FOXN2: variants seen among roughly 807,000 people sequenced by gnomAD.
The protein encoded by FOXN2 is forkhead box N2.
FOXN2 carries 19 observed loss-of-function variants against 41.2 expected under a neutral mutation model. That is an observed-to-expected ratio of 0.46 (90% CI 0.32 to 0.68). The LOEUF (loss-of-function observed/expected upper bound fraction) is 0.68, where lower values mean the gene tolerates loss of function less well. FOXN2 is among the 30% of genes least tolerant of loss of function. The pLI is 0.03. For missense variants in FOXN2, 587 were observed against 509.4 expected (o/e 1.15, Z -1.47); for synonymous variants, 195 against 176.8 (o/e 1.10, Z -0.82).
chr2:48,346,129 C>A (rs1217780882), intron 2 of FOXN2, 72 bp from the exon 3 acceptor site: 23 of 1,317,892 alleles, frequency 1.7e-5, no homozygotes, highest in Non-Finnish European at 2.3e-5. Context: ...GGGATATTTA[C>A]ATATGTATTT....
At chr2:48,365,881 T>A (rs1385442620) in intron 5 of FOXN2, among the ~76,000 whole-genome samples, 1 of 152,234 alleles carries the variant, frequency 6.6e-6, no homozygotes, top group Non-Finnish European at 1.5e-5. Flanking sequence ...TGTTTTGGGG[T>A]ATATTTCTGA....
intron 4 of FOXN2, among the ~76,000 whole-genome samples, chr2:48,361,259 G>C (rs1301783151): frequency 6.6e-6 from 1 of 151,976 alleles, no homozygotes; most frequent in Non-Finnish European, 1.5e-5. Context: ...CTGAGGTCGG[G>C]AGTTTGAGAC....
intron 5 of FOXN2, among the ~76,000 whole-genome samples, chr2:48,370,015 A>G (rs75164747): frequency 7.0e-6 from 1 of 142,912 alleles, no homozygotes; most frequent in Admixed American, 6.9e-5. Flanking sequence ...AAAAGAAAAG[A>G]AAAAAAAAAA....
rs565908019 is a variant in FOXN2 at position 48,317,395 on chromosome 2, G to T, written c.-157+2581G>T. Among the ~76,000 whole-genome samples, 493 of 151,152 alleles carry T rather than the reference G, an allele frequency of 3.3e-3. 6 individuals carry two copies. Among genetic ancestry groups the T allele is most frequent in the African/African-American group, 0.011 (465 of 41,156 alleles). ...ACCTAGGAGGTGAAGGTTGTAGTGAGTTGAGATCATGCCACTGCACTCCAG... is the reference window on the plus strand; with the variant it reads ...ACCTAGGAGGTGAAGGTTGTAGTGATTTGAGATCATGCCACTGCACTCCAG... On this transcript the variant is annotated intron_variant, in intron 1 of 6. Transcript: ENST00000340553.
chr2:48,359,007 G>A lies in FOXN2; in HGVS notation c.538-40G>A, dbSNP rs760940523. ...AAACATTTAGACGCTGACTGTTTAT[G>A]TATAAAAGTTCCTAGTTATTCTTGT... is the stretch of plus-strand genomic sequence containing the variant. On this transcript the variant is annotated intron_variant, in intron 3 of 6. Transcript: ENST00000340553. The A allele has an allele frequency of 8.4e-6, 12 of 1,437,062 alleles. No homozygotes were observed. The African/African-American group carries it at 1.4e-4, about 17-fold the overall frequency. 89.0% of individuals were successfully genotyped at this position (1,437,062 alleles called of 1,614,324 possible).
intron 4 of FOXN2, among the ~76,000 whole-genome samples, chr2:48,361,352 G>C (rs944115912): frequency 3.3e-5 from 5 of 151,804 alleles, no homozygotes; most frequent in African/African-American, 1.2e-4. Flanking sequence ...TGTAACCCCA[G>C]CTACTCGGGA....
At chr2:48,374,702 A>G (rs529015387) in intron 6 of FOXN2, among the ~76,000 whole-genome samples, 1 of 152,210 alleles carries the variant, frequency 6.6e-6, no homozygotes, top group Non-Finnish European at 1.5e-5. Context: ...AAATAGTTAC[A>G]TATGCTATAG....
Position 48,325,844 on chromosome 2 carries a change from CTTTTTTT to C in FOXN2, c.-156-2701_-156-2695del, listed in dbSNP as rs959535701. On this transcript the variant is annotated intron_variant, in intron 1 of 6. Transcript: ENST00000340553. ...TTAGAGAATTCTTCCCTCAAGATTTCTTTTTTTTTTTTTTTTTTTTTTGAGACGAAGT... is the reference window on the plus strand; with the variant it reads ...TTAGAGAATTCTTCCCTCAAGATTTCTTTTTTTTTTTTTTTGAGACGAAGT... Among the ~76,000 whole-genome samples, 296 of 102,912 alleles carry C rather than the reference CTTTTTTT, an allele frequency of 2.9e-3. 1 individual carries two copies. The highest frequency in any genetic ancestry group is 9.0e-3 in the African/African-American group (248 of 27,446). 67.5% of individuals were successfully genotyped at this position (102,912 alleles called of 152,430 possible). A position where few individuals can be genotyped will look rare whatever the true frequency, so the allele number is the denominator to read the frequency against.
intron 1 of FOXN2, among the ~76,000 whole-genome samples, chr2:48,322,516 C>A (rs190994105): frequency 6.6e-6 from 1 of 152,106 alleles, no homozygotes; most frequent in African/African-American, 2.4e-5. Context: ...CACGCTCACG[C>A]GGATTCTTGC....
At chr2:48,320,835 G>A (rs1399632723) in intron 1 of FOXN2, among the ~76,000 whole-genome samples, 1 of 152,190 alleles carries the variant, frequency 6.6e-6, no homozygotes. Flanking sequence ...AATATTTATA[G>A]AATGCTTACT....
intron 3 of FOXN2, among the ~76,000 whole-genome samples, chr2:48,349,509 C>T (rs912522925): frequency 2.7e-4 from 41 of 152,058 alleles, no homozygotes; most frequent in African/African-American, 8.7e-4. Flanking sequence ...CGTGGTGGCT[C>T]ATACCTGTAA....
intron 1 of FOXN2, among the ~76,000 whole-genome samples, chr2:48,316,214 C>G (rs1415661477): frequency 6.6e-6 from 1 of 152,072 alleles, no homozygotes; most frequent in Admixed American, 6.5e-5. Context: ...TTGCAGTTCT[C>G]CTAAGGTGTA....
chr2:48,316,053 G>A (rs1668896091), intron 1 of FOXN2, among the ~76,000 whole-genome samples: 1 of 152,014 alleles, frequency 6.6e-6, no homozygotes, highest in Admixed American at 6.5e-5. Context: ...AATAGAGTGC[G>A]CTAGCGGCAC....
chr2:48,369,602 A>G (rs1672755435), intron 5 of FOXN2, among the ~76,000 whole-genome samples: 1 of 152,232 alleles, frequency 6.6e-6, no homozygotes. Context: ...TAGGTGCTTC[A>G]TTTATAAGAT....
chr2:48,357,421 A>C (rs1671869162), intron 3 of FOXN2, among the ~76,000 whole-genome samples: 1 of 152,160 alleles, frequency 6.6e-6, no homozygotes, highest in Non-Finnish European at 1.5e-5. Context: ...GTGTATGAAA[A>C]GTAATGCTGC....
chr2:48,371,903 C>G (rs547715195), intron 5 of FOXN2, among the ~76,000 whole-genome samples: 1 of 150,980 alleles, frequency 6.6e-6, no homozygotes, highest in East Asian at 1.9e-4. Context: ...TGCAACTTTA[C>G]TGACTATCAG....
intron 5 of FOXN2, 126 bp from the exon 6 acceptor site, chr2:48,373,163 ATGT>A (rs1673020647): frequency 1.6e-6 from 1 of 612,494 alleles, no homozygotes; most frequent in Non-Finnish European, 2.9e-6. Context: ...TTTTTGTTTG[ATGT>A]GCGTTTATGC....
At position 48,346,411 on chromosome 2, in the gene FOXN2, C is replaced by T; in HGVS notation, c.197C>T (p.Thr66Ile). The T allele has an allele frequency of 6.2e-7, 1 of 1,614,208 alleles. No homozygotes were observed. The highest frequency in any genetic ancestry group is 8.5e-7 in the Non-Finnish European group (1 of 1,180,034). The change falls in exon 3 of 7, where the codon ACT becomes ATT. Residue 66 changes from threonine to isoleucine, a missense_variant. Thr to Ile is a moderately conservative substitution (Grantham distance 89, BLOSUM62 -1). Coordinates refer to ENST00000340553, the MANE Select transcript of FOXN2 (RefSeq NM_002158.4). ...LTNLNWLHES[T>I]NLLTNFSLGS... is the part of the protein sequence containing the mutation. ...AACTTGAACTGGCTTCATGAAAGCA[C>T]TAATCTTCTAACAAACTTCAGCCTC...
intron 3 of FOXN2, among the ~76,000 whole-genome samples, chr2:48,347,384 C>T (rs192859163): frequency 2.0e-5 from 3 of 151,794 alleles, no homozygotes; most frequent in Admixed American, 1.3e-4. Context: ...TGTGCCACCA[C>T]GCCCTGCTAA....
Sources: allele counts gnomAD v4.1 joint callset (sites outside exome capture counted in the v4.1 genomes callset), GRCh38; gene constraint gnomAD v4.1.1; transcripts MANE v1.5; gene names NCBI Gene and HGNC (gene_info 2026-07-23, HGNC 2026-07-21).